The following ROBO1 variants were observed in gnomAD, a reference collection of about 807,000 sequenced individuals.
ROBO1 encodes roundabout guidance receptor 1.
Under a neutral mutation model 195.9 loss-of-function variants are expected in ROBO1, and 149 were observed. That is an observed-to-expected ratio of 0.76 (90% CI 0.67 to 0.87). The LOEUF is 0.87. Ranked by LOEUF, ROBO1 falls within the 40% of genes least tolerant of loss-of-function variation. ROBO1 has a pLI of 0.00. For missense variants in ROBO1, 1,933 were observed against 2,068.3 expected (o/e 0.93, Z 1.27); for synonymous variants, 816 against 733.2 (o/e 1.11, Z -1.82).
chr3:78,871,005 C>A (rs113185004), intron 4 of ROBO1, among the ~76,000 whole-genome samples: 60 of 152,106 alleles, frequency 3.9e-4, no homozygotes, highest in African/African-American at 1.4e-3. Flanking sequence ...TAGGTCTATT[C>A]CTGGAATATA....
At chr3:79,663,844 G>T (rs1946399402) in intron 1 of ROBO1, among the ~76,000 whole-genome samples, 1 of 151,914 alleles carries the variant, frequency 6.6e-6, no homozygotes, top group South Asian at 2.1e-4. Flanking sequence ...CTTAAATGTT[G>T]TTATTTTCCA....
chr3:79,027,725 C>T (rs756116286), intron 3 of ROBO1, among the ~76,000 whole-genome samples: 2 of 152,056 alleles, frequency 1.3e-5, no homozygotes, highest in Non-Finnish European at 2.9e-5. Context: ...ATTGCTGGAA[C>T]TAAAAGCCTT....
chr3:79,476,080 A>G lies in ROBO1; in HGVS notation c.88+113744T>C, dbSNP rs1938532058. 2.6e-5 allele frequency among the ~76,000 whole-genome samples: 4 copies of G among 152,138 alleles called. No homozygotes were observed. The South Asian group carries it at 8.3e-4, about 31-fold the overall frequency. On this transcript the variant is annotated intron_variant, in intron 2 of 30. Coordinates refer to ENST00000464233, the MANE Select transcript of ROBO1 (RefSeq NM_002941.4). ...AAATAACAATCCCATCAAAAAGTGG[A>G]CTAAGGACATGTATAGATAATTCTC...
chr3:78,774,379 C>T (rs193117673), intron 4 of ROBO1, among the ~76,000 whole-genome samples: 39 of 151,678 alleles, frequency 2.6e-4, no homozygotes, highest in African/African-American at 4.4e-4. Context: ...GGCCGGATCT[C>T]GGCTCACCGC....
chr3:79,538,526 C>T (rs1377886281), intron 2 of ROBO1, among the ~76,000 whole-genome samples: 1 of 152,062 alleles, frequency 6.6e-6, no homozygotes, highest in Non-Finnish European at 1.5e-5. Context: ...TACTTAGTCA[C>T]TTGCCTCTCA....
At chr3:78,758,724 T>C (rs546220314) in intron 4 of ROBO1, among the ~76,000 whole-genome samples, 1 of 151,928 alleles carries the variant, frequency 6.6e-6, no homozygotes, top group East Asian at 1.9e-4. Context: ...GGAAATAGAG[T>C]GTTTACAATG....
chr3:78,598,944 A>G lies in ROBO1; in HGVS notation c.4942-17T>C, dbSNP rs1168763353. On this transcript the variant is annotated splice_polypyrimidine_tract_variant and intron_variant, in intron 30 of 30. Transcript: ENST00000464233. ...TTCAGTTTCCTGTAAGAGATACGTT[A>G]TTGTCACATTTGAAAATAAATCTTA... The G allele has an allele frequency of 6.6e-7, 1 of 1,522,692 alleles. No individual in the cohort carries two copies. Among genetic ancestry groups the G allele is most frequent in the South Asian group, 1.2e-5 (1 of 81,172 alleles). 94.3% of individuals were successfully genotyped at this position (1,522,692 alleles called of 1,614,324 possible).
intron 3 of ROBO1, among the ~76,000 whole-genome samples, chr3:78,954,075 T>G (rs1213197033): frequency 6.6e-6 from 1 of 151,908 alleles, no homozygotes; most frequent in East Asian, 1.9e-4. Flanking sequence ...GCATTCAACT[T>G]AAAATAATTT....
intron 4 of ROBO1, among the ~76,000 whole-genome samples, chr3:78,916,256 A>AC (rs1553764215): frequency 6.7e-6 from 1 of 149,402 alleles, no homozygotes; most frequent in Non-Finnish European, 1.5e-5. Context: ...AAAAAAAAAA[A>AC]AAAAAACAAC....
intron 2 of ROBO1, among the ~76,000 whole-genome samples, chr3:79,403,518 G>T (rs1055159443): frequency 1.3e-5 from 2 of 151,888 alleles, no homozygotes; most frequent in African/African-American, 4.8e-5. Flanking sequence ...AATTTCAAAT[G>T]GCAAATAATA....
At chr3:78,948,979 A>T (rs1053192326) in intron 3 of ROBO1, among the ~76,000 whole-genome samples, 9 of 150,690 alleles carry the variant, frequency 6.0e-5, no homozygotes, top group Admixed American at 2.0e-4. Context: ...CTTCAAGGAG[A>T]ACTACAAACC....
At chr3:79,266,727 C>T (rs908769791) in intron 2 of ROBO1, among the ~76,000 whole-genome samples, 6 of 151,512 alleles carry the variant, frequency 4.0e-5, no homozygotes, top group Non-Finnish European at 5.9e-5. Flanking sequence ...GTTACAGCTG[C>T]ATGAAGTTGT....
intron 2 of ROBO1, among the ~76,000 whole-genome samples, chr3:79,205,200 G>T (rs1212168470): frequency 6.6e-6 from 1 of 151,932 alleles, no homozygotes; most frequent in African/African-American, 2.4e-5. Flanking sequence ...TGTTATGTTT[G>T]CCAGGCTGGT....
intron 4 of ROBO1, among the ~76,000 whole-genome samples, chr3:78,818,170 G>A (rs890494989): frequency 9.9e-5 from 15 of 152,102 alleles, no homozygotes; most frequent in Non-Finnish European, 1.2e-4. Context: ...CAGCAGTAGA[G>A]GGCCTTAGGC....
intron 4 of ROBO1, among the ~76,000 whole-genome samples, chr3:78,786,599 G>C (rs1023430823): frequency 2.0e-5 from 3 of 151,988 alleles, no homozygotes; most frequent in African/African-American, 7.3e-5. Context: ...TTACATCATG[G>C]GGGTGGGTTT....
chr3:79,394,688 C>T (rs911379572), intron 2 of ROBO1, among the ~76,000 whole-genome samples: 23 of 152,066 alleles, frequency 1.5e-4, no homozygotes, highest in African/African-American at 5.5e-4. Context: ...ATAGATTCTT[C>T]TTAATAGAGT....
chr3:79,462,984 A>T (rs536344792), intron 2 of ROBO1, among the ~76,000 whole-genome samples: 1 of 152,348 alleles, frequency 6.6e-6, no homozygotes, highest in Admixed American at 6.5e-5. Context: ...TTTCATGTCA[A>T]GTTATTTAAT....
chr3:79,180,858 G>T (rs755762097), intron 2 of ROBO1, among the ~76,000 whole-genome samples: 33 of 152,052 alleles, frequency 2.2e-4, no homozygotes, highest in South Asian at 6.2e-4. Context: ...GTTGGAGGGG[G>T]TGGGAGTGGA....
intron 3 of ROBO1, among the ~76,000 whole-genome samples, chr3:79,114,360 C>A (rs1356071271): frequency 6.6e-6 from 1 of 152,228 alleles, no homozygotes; most frequent in Non-Finnish European, 1.5e-5. Context: ...CAAATGCACA[C>A]TTCTCTCTCC....
Sources: allele counts gnomAD v4.1 joint callset (sites outside exome capture counted in the v4.1 genomes callset), GRCh38; gene constraint gnomAD v4.1.1; transcripts MANE v1.5; gene names NCBI Gene and HGNC (gene_info 2026-07-23, HGNC 2026-07-21).